The following SEC23IP variants were observed in gnomAD, a reference collection of about 807,000 sequenced individuals.
SEC23IP encodes SEC23 interacting protein, also known as SEC23-interacting protein.
A neutral mutation model predicts 113.4 loss-of-function variants in SEC23IP; 70 were observed. The observed-to-expected ratio is 0.62, with a 90% confidence interval of 0.51 to 0.75. SEC23IP has a LOEUF of 0.75. Among genes scored for constraint, SEC23IP ranks in the 30% least tolerant of loss-of-function variants. The pLI is 0.00. For missense variants in SEC23IP, 1,160 were observed against 1,204.9 expected, an observed-to-expected ratio of 0.96 and a Z score of 0.55; for synonymous variants, 398 against 421.0, an observed-to-expected ratio of 0.95 and a Z score of 0.67.
chr10:119,915,392 T>A (rs1056145404), intron 7 of SEC23IP, among the ~76,000 whole-genome samples: 6 of 151,618 alleles, frequency 4.0e-5, no homozygotes, highest in African/African-American at 1.2e-4. Flanking sequence ...AAGGTAGGGG[T>A]TGGGGGTAAG....
intron 3 of SEC23IP, among the ~76,000 whole-genome samples, chr10:119,903,709 A>G (rs188110292): frequency 5.9e-4 from 90 of 152,196 alleles, no homozygotes; most frequent in Non-Finnish European, 1.1e-3. Context: ...TAGTCACCGT[A>G]TTCATTATTT....
chr10:119,934,296 TC>T (rs1427014826), intron 18 of SEC23IP, among the ~76,000 whole-genome samples: 1 of 152,242 alleles, frequency 6.6e-6, no homozygotes, highest in East Asian at 1.9e-4. Context: ...GTAGTACTCC[TC>T]ACATCTGTCG....
At chr10:119,893,039 G>A in intron 1 of SEC23IP, 94 bp downstream of exon 1, 1 of 1,391,722 alleles carries the variant, frequency 7.2e-7, no homozygotes, top group African/African-American at 1.4e-5. Flanking sequence ...TCTGCCTCGA[G>A]CTACCCTCTG....
intron 12 of SEC23IP, among the ~76,000 whole-genome samples, chr10:119,924,395 AATGGCTTTTCTCTCGTTATAG>A (rs904013653): frequency 6.6e-6 from 1 of 151,976 alleles, no homozygotes; most frequent in Non-Finnish European, 1.5e-5. Flanking sequence ...AACCAGTGTG[AATGGCTTTTCTCTCGTTATAG>A]AGATAACACC....
chr10:119,926,867 C>T lies in SEC23IP; in HGVS notation c.2313+640C>T, dbSNP rs559078033. Among the ~76,000 whole-genome samples, 46 of 152,182 alleles carry T rather than the reference C, an allele frequency of 3.0e-4. 1 individual carries two copies. In the South Asian group the frequency reaches 8.9e-3, roughly 30 times the overall value. ...TATATTCTTATGTAAGTAAATGTTCCTTTACAACTTCATTTTCTTTTCTTT... is the reference window on the plus strand; with the variant it reads ...TATATTCTTATGTAAGTAAATGTTCTTTTACAACTTCATTTTCTTTTCTTT... On this transcript the variant is annotated intron_variant, in intron 13 of 18. Coordinates refer to ENST00000369075, the MANE Select transcript of SEC23IP (RefSeq NM_007190.4).
At chr10:119,901,968 T>G (rs2134458122) in intron 2 of SEC23IP, among the ~76,000 whole-genome samples, 1 of 152,314 alleles carries the variant, frequency 6.6e-6, no homozygotes, top group African/African-American at 2.4e-5. Flanking sequence ...ATTACAGGTG[T>G]GAGCCACTGC....
At chr10:119,940,481 C>G (rs1855930689) in intron 18 of SEC23IP, 105 bp from the exon 19 acceptor site, 1 of 152,148 alleles carries the variant, frequency 6.6e-6, no homozygotes, top group Non-Finnish European at 1.5e-5. Flanking sequence ...GACACCGTGC[C>G]TGGCCGATTG....
chr10:119,933,584 A>T, intron 17 of SEC23IP, 102 bp from the exon 18 acceptor site: 2 of 672,102 alleles, frequency 3.0e-6, no homozygotes, highest in Non-Finnish European at 5.3e-6. Context: ...TGCCCTTCTT[A>T]GATAGAGTTG....
At chr10:119,901,025 T>TC (rs551981070) in intron 2 of SEC23IP, among the ~76,000 whole-genome samples, 61 of 106,102 alleles carry the variant, frequency 5.7e-4, no homozygotes, top group African/African-American at 2.2e-3. Flanking sequence ...TTCTTCTTCT[T>TC]TTTTTTTTTT....
At chr10:119,903,149 T>A (rs1854553574) in intron 3 of SEC23IP, 140 bp downstream of exon 3, 1 of 685,930 alleles carries the variant, frequency 1.5e-6, no homozygotes, top group African/African-American at 1.8e-5. Context: ...GGTGACGATA[T>A]TAGTATAAGT....
chr10:119,914,992 A>G (rs1406498133), intron 7 of SEC23IP, among the ~76,000 whole-genome samples, 173 bp downstream of exon 7: 2 of 152,192 alleles, frequency 1.3e-5, no homozygotes, highest in Admixed American at 1.3e-4. Flanking sequence ...TGCTCTTGTG[A>G]CATATGTGAC....
At chr10:119,911,965 AT>A in intron 5 of SEC23IP, 78 bp from the exon 6 acceptor site, 3 of 1,530,256 alleles carry the variant, frequency 2.0e-6, no homozygotes, top group Non-Finnish European at 2.7e-6. Context: ...GGTATAGCTT[AT>A]TATGTGTTAA....
rs1262342437 is a variant in SEC23IP at position 119,932,203 on chromosome 10, T to C, written c.2643T>C (p.Ala881=). 1.9e-6 allele frequency: 3 copies of C among 1,612,946 alleles called. No homozygotes were observed. The highest frequency in any genetic ancestry group is 1.7e-6 in the Non-Finnish European group (2 of 1,178,880). The change falls in exon 16 of 19, where the codon GCT becomes GCC. Residue 881 remains alanine (A), a synonymous_variant. Coordinates refer to ENST00000369075, the MANE Select transcript of SEC23IP (RefSeq NM_007190.4). ...GTTTTATTAGCTCTCTCAAAAGTGC[T>C]TGGCAGACATTAAATGAGTTTGCCC... ...KQGFISSLKS[A]WQTLNEFARA...
At chr10:119,902,501 A>G (rs1172685122) in intron 2 of SEC23IP, among the ~76,000 whole-genome samples, 1 of 152,106 alleles carries the variant, frequency 6.6e-6, no homozygotes, top group East Asian at 1.9e-4. Context: ...TTGTGGGTAC[A>G]TAGTAGGTAT....
At chr10:119,899,888 A>G (rs1390869618) in intron 2 of SEC23IP, among the ~76,000 whole-genome samples, 1 of 152,174 alleles carries the variant, frequency 6.6e-6, no homozygotes, top group South Asian at 2.1e-4. Flanking sequence ...AATATCCTTT[A>G]CTCAGGTTTA....
rs1394979888 is a variant in SEC23IP at position 119,943,653 on chromosome 10, C to T, written c.*3088C>T. On this transcript the variant is annotated 3_prime_UTR_variant, in exon 19 of 19. Transcript: ENST00000369075. Reference sequence around the variant, plus strand: ...TTGCAGATTTCCCGAATGTATTGGTCCCAGAGAACACTGAAAATAATGTCA... The same window carrying T: ...TTGCAGATTTCCCGAATGTATTGGTTCCAGAGAACACTGAAAATAATGTCA... 6.6e-6 allele frequency: 1 copy of T among 152,160 alleles called. No individual in the cohort carries two copies. Among genetic ancestry groups the T allele is most frequent in the Non-Finnish European group, 1.5e-5 (1 of 68,034 alleles). The allele number at this position is 152,160 out of a possible 1,614,324, so 9.4% of individuals were successfully genotyped here. A position where few individuals can be genotyped will look rare whatever the true frequency, so the allele number is the denominator to read the frequency against.
At chr10:119,918,781 T>A (rs1479219688) in intron 10 of SEC23IP, among the ~76,000 whole-genome samples, 1 of 152,094 alleles carries the variant, frequency 6.6e-6, no homozygotes, top group Non-Finnish European at 1.5e-5. Flanking sequence ...ATATAATAGC[T>A]TCCGTGTCCA....
intron 8 of SEC23IP, among the ~76,000 whole-genome samples, chr10:119,916,863 T>A (rs949256767): frequency 3.3e-4 from 50 of 149,508 alleles, no homozygotes; most frequent in African/African-American, 1.1e-3. Flanking sequence ...CAAATAACTT[T>A]AAAAAAAAAA....
At chr10:119,893,006 A>G in intron 1 of SEC23IP, 61 bp downstream of exon 1, 1 of 1,548,450 alleles carries the variant, frequency 6.5e-7, no homozygotes, top group Non-Finnish European at 8.8e-7. Context: ...TGCAATGACA[A>G]AGGTCAGACG....
Sources: allele counts gnomAD v4.1 joint callset (sites outside exome capture counted in the v4.1 genomes callset), GRCh38; gene constraint gnomAD v4.1.1; transcripts MANE v1.5; gene names NCBI Gene and HGNC (gene_info 2026-07-23, HGNC 2026-07-21).